The following DLGAP1 variants were observed in gnomAD, a reference collection of about 807,000 sequenced individuals.
The protein encoded by DLGAP1 is disks large-associated protein 1.
DLGAP1 carries 11 observed loss-of-function variants against 90.8 expected under a neutral mutation model. That is an observed-to-expected ratio of 0.12 (90% CI 0.08 to 0.20). DLGAP1 has a LOEUF of 0.20. DLGAP1 is among the 10% of genes least tolerant of loss of function. The probability of loss-of-function intolerance (pLI) is 1.00; values close to 1 mark genes in which losing one functional copy is unlikely to be tolerated. For synonymous variants in DLGAP1, 558 were observed against 540.7 expected, an observed-to-expected ratio of 1.03 and a Z score of -0.44; for missense variants, 1,050 against 1,333.8, an observed-to-expected ratio of 0.79 and a Z score of 3.31.
intron 10 of DLGAP1, among the ~76,000 whole-genome samples, chr18:3,512,521 G>A (rs2050602109): frequency 6.6e-6 from 1 of 152,192 alleles, no homozygotes; most frequent in African/African-American, 2.4e-5. Context: ...CCACAATAGA[G>A]AGTACAGGCC....
intron 2 of DLGAP1, among the ~76,000 whole-genome samples, chr18:4,046,309 T>C (rs2149159920): frequency 6.6e-6 from 1 of 152,322 alleles, no homozygotes; most frequent in South Asian, 2.1e-4. Context: ...ATCCCAATAA[T>C]AGCAATATTT....
chr18:3,908,529 T>A (rs995537169), intron 3 of DLGAP1, among the ~76,000 whole-genome samples: 1 of 152,186 alleles, frequency 6.6e-6, no homozygotes, highest in Non-Finnish European at 1.5e-5. Context: ...TTCAGAATGT[T>A]CTCTTGATGA....
rs1297547947 is a variant in DLGAP1 at position 3,903,012 on chromosome 18, G to C, written c.-72-22872C>G. ...CTCTTCTGAGACCCAGAAGCACTTT[G>C]CCTGTGAGGAAACATTCACCATGTG... On this transcript the variant is annotated intron_variant, in intron 3 of 12. Transcript: ENST00000315677. 4.6e-5 allele frequency among the ~76,000 whole-genome samples: 7 copies of C among 152,246 alleles called. No homozygotes were observed. In the East Asian group the frequency reaches 1.4e-3, roughly 29 times the overall value.
At chr18:3,841,665 C>T (rs191379706) in intron 4 of DLGAP1, among the ~76,000 whole-genome samples, 14 of 152,158 alleles carry the variant, frequency 9.2e-5, no homozygotes, top group African/African-American at 2.9e-4. Context: ...AACAACAACA[C>T]GAAGATTAAG....
intron 5 of DLGAP1, 79 bp from the exon 6 acceptor site, chr18:3,742,591 T>C (rs2063101502): frequency 6.6e-7 from 1 of 1,513,526 alleles, no homozygotes. Flanking sequence ...CTATTGTCAT[T>C]TATGTAGCAC....
Position 4,010,253 on chromosome 18 carries a change from T to A in DLGAP1, c.-158-5052A>T, listed in dbSNP as rs563884760. Reference sequence around the variant, plus strand: ...AATAAAAGTAAAATCAGATTAAGAATCATCAGGATTGCTGGGTGCGGTGGC... The same window carrying A: ...AATAAAAGTAAAATCAGATTAAGAAACATCAGGATTGCTGGGTGCGGTGGC... On this transcript the variant is annotated intron_variant, in intron 2 of 12. Coordinates refer to ENST00000315677, the MANE Select transcript of DLGAP1 (RefSeq NM_004746.4). 5.9e-5 allele frequency among the ~76,000 whole-genome samples: 9 copies of A among 152,284 alleles called. No homozygotes were observed. In the South Asian group the frequency reaches 1.4e-3, roughly 25 times the overall value.
chr18:4,207,338 A>C (rs1012404516), intron 1 of DLGAP1, among the ~76,000 whole-genome samples: 1 of 152,164 alleles, frequency 6.6e-6, no homozygotes, highest in Non-Finnish European at 1.5e-5. Flanking sequence ...GTGAGTACTT[A>C]CTACCACAAG....
chr18:3,746,265 A>T (rs1598568077), intron 5 of DLGAP1, among the ~76,000 whole-genome samples: 1 of 152,304 alleles, frequency 6.6e-6, no homozygotes, highest in South Asian at 2.1e-4. Context: ...AATACAATAT[A>T]GATTATATTT....
At chr18:3,956,584 G>A (rs1436516334) in intron 3 of DLGAP1, among the ~76,000 whole-genome samples, 4 of 151,942 alleles carry the variant, frequency 2.6e-5, no homozygotes, top group Non-Finnish European at 4.4e-5. Context: ...TCCTGACCTC[G>A]TGATCCACCC....
At chr18:3,763,670 CT>C (rs951938968) in intron 5 of DLGAP1, among the ~76,000 whole-genome samples, 9 of 142,874 alleles carry the variant, frequency 6.3e-5, no homozygotes, top group Admixed American at 7.0e-5. Flanking sequence ...TTTTTTTTTT[CT>C]TTTTTTTTTG....
chr18:3,506,526 A>C (rs1242856607), intron 11 of DLGAP1, among the ~76,000 whole-genome samples: 2 of 150,768 alleles, frequency 1.3e-5, no homozygotes, highest in African/African-American at 4.8e-5. Context: ...AAAAAAAAAA[A>C]AAAAAAAAAA....
chr18:3,504,616 C>T (rs1181419955), intron 11 of DLGAP1, among the ~76,000 whole-genome samples: 1 of 152,032 alleles, frequency 6.6e-6, no homozygotes, highest in Non-Finnish European at 1.5e-5. Context: ...GAACTCCTGG[C>T]CACAAGATCC....
At chr18:4,147,496 C>T (rs1254218259) in intron 2 of DLGAP1, among the ~76,000 whole-genome samples, 1 of 152,032 alleles carries the variant, frequency 6.6e-6, no homozygotes, top group Non-Finnish European at 1.5e-5. Context: ...TAGCACAAGC[C>T]AGAGTAGTTT....
intron 2 of DLGAP1, among the ~76,000 whole-genome samples, chr18:4,008,814 C>G (rs1380530020): frequency 6.6e-6 from 1 of 152,172 alleles, no homozygotes; most frequent in Non-Finnish European, 1.5e-5. Flanking sequence ...AAAATGGGAA[C>G]TGGATTATTC....
chr18:4,431,408 T>C (rs1309863292), intron 1 of DLGAP1, among the ~76,000 whole-genome samples: 2 of 152,232 alleles, frequency 1.3e-5, no homozygotes, highest in African/African-American at 4.8e-5. Context: ...TACAAAGATT[T>C]TATAACTGAC....
intron 2 of DLGAP1, among the ~76,000 whole-genome samples, chr18:4,092,111 C>A (rs1304086229): frequency 6.6e-6 from 1 of 152,092 alleles, no homozygotes; most frequent in Non-Finnish European, 1.5e-5. Flanking sequence ...ATATTACTAG[C>A]TTCAAATTCC....
At chr18:3,831,861 T>C (rs1781189933) in intron 4 of DLGAP1, among the ~76,000 whole-genome samples, 3 of 152,234 alleles carry the variant, frequency 2.0e-5, no homozygotes, top group South Asian at 4.1e-4. Flanking sequence ...GAATGGCTAC[T>C]GTGTATAGGA....
chr18:4,208,529 A>G (rs1405373351), intron 1 of DLGAP1, among the ~76,000 whole-genome samples: 1 of 152,212 alleles, frequency 6.6e-6, no homozygotes, highest in Non-Finnish European at 1.5e-5. Flanking sequence ...TATGCCAGTA[A>G]CATATGTTGT....
intron 2 of DLGAP1, among the ~76,000 whole-genome samples, chr18:4,070,936 C>T (rs2075438147): frequency 6.6e-6 from 1 of 152,088 alleles, no homozygotes; most frequent in Non-Finnish European, 1.5e-5. Context: ...CAGAAACTGG[C>T]CCCATCTCAA....
Sources: gnomAD v4.1 joint callset for allele counts (sites outside exome capture counted in the v4.1 genomes callset) on GRCh38, gnomAD v4.1.1 for gene constraint, MANE v1.5 for transcripts, NCBI Gene and HGNC (gene_info 2026-07-23, HGNC 2026-07-21) for gene names.